Variants in INCA1 observed in about 807,000 individuals in gnomAD.
INCA1 encodes inhibitor of CDK, cyclin A1 interacting protein 1, also known as protein INCA1.
In INCA1, 28 loss-of-function variants were observed where a neutral mutation model predicts 25.7. The observed-to-expected ratio is 1.09, with a 90% CI of 0.81 to 1.49. The LOEUF is 1.49. INCA1 is among the 40% of genes most tolerant of loss of function. INCA1 has a pLI of 0.00. For missense variants in INCA1, 309 were observed against 290.9 expected (o/e 1.06, Z -0.45); for synonymous variants, 111 against 103.6 (o/e 1.07, Z -0.43).
chr17:4,990,126 T>A, intron 3 of INCA1, 26 bp downstream of exon 3: 1 of 1,613,960 alleles, frequency 6.2e-7, no homozygotes, highest in Non-Finnish European at 8.5e-7. Context: ...CACATCCAGT[T>A]AGTTTCCATT....
Position 4,989,394 on chromosome 17 carries a change from T to A in INCA1, c.395+34A>T, listed in dbSNP as rs371119975. On this transcript the variant is annotated intron_variant, in intron 5 of 6. Transcript: ENST00000576820. ...AACTGTTCTGCCCCCAAATCCTGCA[T>A]GACTCCCAGAACCCAGATGTCTCCC... The A allele has an allele frequency of 1.9e-6, 3 of 1,584,992 alleles. No homozygotes were observed. The African/African-American group carries it at 4.0e-5, about 21-fold the overall frequency.
chr17:4,994,387 G>C lies in INCA1; in HGVS notation c.44+7C>G. 6.2e-7 allele frequency: 1 copy of C among 1,613,564 alleles called. No individual in the cohort carries two copies. The highest frequency in any genetic ancestry group is 8.5e-7 in the Non-Finnish European group (1 of 1,179,666). On this transcript the variant is annotated splice_region_variant and intron_variant, in intron 2 of 6. Transcript: ENST00000576820. ...CCCCATGCTCCCCACCCAGTGGGAGGACTCACTTGGCAAAGGGGATGAGGT... is the reference window on the plus strand; with the variant it reads ...CCCCATGCTCCCCACCCAGTGGGAGCACTCACTTGGCAAAGGGGATGAGGT...
intron 1 of INCA1, among the ~76,000 whole-genome samples, chr17:4,994,821 A>G (rs1329994801): frequency 1.4e-5 from 2 of 148,014 alleles, no homozygotes; most frequent in Non-Finnish European, 3.0e-5. Flanking sequence ...AAAGGCATTC[A>G]TTCATATAAT....
At chr17:4,992,042 G>C (rs1973908284) in intron 2 of INCA1, among the ~76,000 whole-genome samples, 1 of 152,018 alleles carries the variant, frequency 6.6e-6, no homozygotes, top group African/African-American at 2.4e-5. Flanking sequence ...AATAATATAA[G>C]GTTTGAGATG....
At chr17:4,992,928 G>A (rs1300205811) in intron 2 of INCA1, among the ~76,000 whole-genome samples, 2 of 152,152 alleles carry the variant, frequency 1.3e-5, no homozygotes, top group African/African-American at 2.4e-5. Context: ...CGCCCAGGCT[G>A]GAGTGCAATG....
intron 2 of INCA1, among the ~76,000 whole-genome samples, chr17:4,992,277 A>C (rs1973921081): frequency 6.6e-6 from 1 of 151,646 alleles, no homozygotes; most frequent in South Asian, 2.1e-4. Context: ...ATAAAATCCA[A>C]ACCGTTTTTT....
At position 4,989,911 on chromosome 17, in the gene INCA1, C is replaced by T. The variant is rs114933901; in HGVS notation, c.177G>A (p.Glu59=). ...TTACCAGCATGGGTGGAATGTGCTG[C>T]TCCTCCAGCCAAGTGGGGCTGTGAA... The change falls in exon 4 of 7, where the codon GAG becomes GAA. Residue 59 remains glutamate, a synonymous_variant. Transcript: ENST00000576820. The T allele has an allele frequency of 3.8e-4, 615 of 1,614,200 alleles. 6 individuals are homozygous for T. In the African/African-American group the frequency reaches 7.7e-3, roughly 20 times the overall value.
chr17:4,990,498 T>A (rs1403129309), intron 2 of INCA1, among the ~76,000 whole-genome samples: 1 of 152,206 alleles, frequency 6.6e-6, no homozygotes, highest in Non-Finnish European at 1.5e-5. Flanking sequence ...CAGATCTCAC[T>A]GAGTTTAAGC....
intron 2 of INCA1, 52 bp from the exon 3 acceptor site, chr17:4,990,317 T>C (rs1285423655): frequency 5.8e-6 from 9 of 1,559,484 alleles, no homozygotes; most frequent in Non-Finnish European, 6.9e-6. Context: ...TACAGCAGTC[T>C]ACTCATCCCA....
chr17:4,989,580 C>A, exon 5 of INCA1: 1 of 1,614,208 alleles, frequency 6.2e-7, no homozygotes, highest in Non-Finnish European at 8.5e-7. Flanking sequence ...GGGGTGGGAG[C>A]TGCTCAGGAG....
intron 4 of INCA1, 111 bp from the exon 5 acceptor site, chr17:4,989,735 C>CG: frequency 6.4e-7 from 1 of 1,550,506 alleles, no homozygotes; most frequent in Non-Finnish European, 8.9e-7. Context: ...CCTGTGATCT[C>CG]GAAAACATGA....
At chr17:4,988,413 C>T in exon 7 of INCA1, 1 of 1,601,106 alleles carries the variant, frequency 6.2e-7, no homozygotes, top group Non-Finnish European at 8.5e-7. Flanking sequence ...CCTTACTCTT[C>T]AGACGCTGCC....
chr17:4,996,361 G>A (rs986282180), intron 1 of INCA1, among the ~76,000 whole-genome samples: 2 of 150,976 alleles, frequency 1.3e-5, no homozygotes, highest in Non-Finnish European at 2.9e-5. Flanking sequence ...CAGCCTAGGC[G>A]TCAGAGTGAG....
In INCA1 at chr17:4,994,434, G is replaced by A. The variant is rs770551403; in HGVS notation, c.4C>T (p.Gln2Ter). Residue 2 changes from glutamine to a stop codon, truncating the protein, a stop_gained, in exon 2 of 7, where the codon CAG (glutamine) becomes TAG (stop). Coordinates refer to ENST00000576820, the Ensembl canonical transcript of INCA1. LOFTEE classifies it high-confidence loss of function. ...AGGTTGACTCCATCATCCTGCACCT[G>A]CATGACTGGACGGGGCTGGGTAGTT... 13 of 1,613,378 alleles carry A rather than the reference G, an allele frequency of 8.1e-6. No individual in the cohort carries two copies. Among genetic ancestry groups the A allele is most frequent in the South Asian group, 7.7e-5 (7 of 90,982 alleles).
chr17:4,990,270 G>C lies in INCA1; in HGVS notation c.45-5C>G, dbSNP rs777644469. On this transcript the variant is annotated splice_polypyrimidine_tract_variant and splice_region_variant and intron_variant, in intron 2 of 6. Transcript: ENST00000576820. ...CGGCTGACCACCCTGGAACACCTGA[G>C]GTGAGGACAAGGTAGGCTCGGGTCT... is the stretch of plus-strand genomic sequence containing the variant. 3.1e-6 allele frequency: 5 copies of C among 1,612,130 alleles called. No homozygotes were observed. The South Asian group carries it at 5.5e-5, about 18-fold the overall frequency.
Position 4,988,804 on chromosome 17 carries a change from C to CCACA in INCA1, c.535_536insTGTG (p.Arg179LeufsTer58). 6.2e-7 allele frequency: 1 copy of CCACA among 1,614,194 alleles called. No individual in the cohort carries two copies. Among genetic ancestry groups the CCACA allele is most frequent in the Non-Finnish European group, 8.5e-7 (1 of 1,180,028 alleles). Reference sequence around the variant, plus strand: ...CTGGGCCCTGCCAGGAGTGAGAAAACGGTCCTCTTCCTGTGGATAGGTTGC... The same window carrying CCACA: ...CTGGGCCCTGCCAGGAGTGAGAAAACCACAGGTCCTCTTCCTGTGGATAGGTTGC... On this transcript the variant is annotated frameshift_variant, in exon 6 of 7. Coordinates refer to ENST00000576820, the Ensembl canonical transcript of INCA1. LOFTEE classifies it low-confidence loss of function (END_TRUNC).
chr17:4,989,805 A>G, intron 4 of INCA1, 85 bp downstream of exon 4: 1 of 1,595,522 alleles, frequency 6.3e-7, no homozygotes, highest in East Asian at 2.2e-5. Context: ...AACAGAGGGA[A>G]GCGGTAATAA....
At chr17:4,997,511 G>C (rs1974380270), upstream of INCA1, 1 of 152,388 alleles carries the variant, frequency 6.6e-6, no homozygotes, top group African/African-American at 2.4e-5. Context: ...GCAGCTGCGC[G>C]GCGAATTCTA....
At chr17:4,992,574 G>T (rs1043372806) in intron 2 of INCA1, among the ~76,000 whole-genome samples, 2 of 137,852 alleles carry the variant, frequency 1.5e-5, no homozygotes, top group African/African-American at 5.5e-5. Flanking sequence ...GTGAGCCACC[G>T]CACCCGGCCT....
Sources: gnomAD v4.1 joint callset for allele counts (sites outside exome capture counted in the v4.1 genomes callset) on GRCh38, gnomAD v4.1.1 for gene constraint, MANE v1.5 for transcripts, NCBI Gene and HGNC (gene_info 2026-07-23, HGNC 2026-07-21) for gene names.